Variants in CSMD1 observed in about 807,000 individuals in gnomAD.
The protein encoded by CSMD1 is CUB and sushi domain-containing protein 1.
Under a neutral mutation model 417.5 loss-of-function variants are expected in CSMD1, and 213 were observed. The observed-to-expected ratio is 0.51, with a 90% CI of 0.46 to 0.57. CSMD1 has a LOEUF of 0.57. CSMD1 is among the 20% of genes least tolerant of loss of function. The probability of loss-of-function intolerance (pLI) is 0.00; values close to 1 mark genes in which losing one functional copy is unlikely to be tolerated. For synonymous variants in CSMD1, 2,862 were observed against 1,736.8 expected (o/e 1.65, Z -16.11); for missense variants, 6,923 against 4,529.7 (o/e 1.53, Z -15.17).
At chr8:3,187,249 A>G (rs1165159990) in intron 36 of CSMD1, among the ~76,000 whole-genome samples, 1 of 152,254 alleles carries the variant, frequency 6.6e-6, no homozygotes, top group Non-Finnish European at 1.5e-5. Context: ...AAGCGGTGTC[A>G]TGCATCTGGA....
chr8:4,469,542 A>G (rs1480873163), intron 2 of CSMD1, among the ~76,000 whole-genome samples: 1 of 152,162 alleles, frequency 6.6e-6, no homozygotes, highest in Non-Finnish European at 1.5e-5. Context: ...TCCTCTTCTC[A>G]ATTAACGGCA....
At chr8:3,564,549 G>GTGTGTATA (rs752767680) in intron 10 of CSMD1, among the ~76,000 whole-genome samples, 6 of 149,480 alleles carry the variant, frequency 4.0e-5, no homozygotes, top group Non-Finnish European at 7.4e-5. Flanking sequence ...GTGTGTGTGT[G>GTGTGTATA]TATAATACAT....
intron 3 of CSMD1, among the ~76,000 whole-genome samples, chr8:4,413,139 C>A (rs13276921): frequency 2.0e-5 from 3 of 152,098 alleles, no homozygotes; most frequent in Non-Finnish European, 2.9e-5. Context: ...AGAATATGGA[C>A]AGTCTCACAG....
chr8:4,701,724 C>T (rs183195924), intron 1 of CSMD1, among the ~76,000 whole-genome samples: 113 of 152,000 alleles, frequency 7.4e-4, no homozygotes, highest in African/African-American at 2.6e-3. Flanking sequence ...CATAACATTC[C>T]TCTTTTTCTA....
At chr8:4,058,171 G>A (rs191469050) in intron 3 of CSMD1, among the ~76,000 whole-genome samples, 1 of 152,246 alleles carries the variant, frequency 6.6e-6, no homozygotes, top group East Asian at 1.9e-4. Context: ...CATGAGCATG[G>A]AATGTTCTTC....
intron 5 of CSMD1, among the ~76,000 whole-genome samples, chr8:3,870,042 C>T (rs962042357): frequency 1.3e-5 from 2 of 152,128 alleles, no homozygotes; most frequent in African/African-American, 4.8e-5. Context: ...GGCGTCTCTT[C>T]ATTGCTTAAC....
intron 26 of CSMD1, among the ~76,000 whole-genome samples, chr8:3,279,867 C>T (rs1034612301): frequency 3.9e-5 from 6 of 152,174 alleles, no homozygotes; most frequent in African/African-American, 1.2e-4. Flanking sequence ...AAACTGCCCT[C>T]ATGATCCAAC....
At chr8:4,703,833 G>A (rs887721710) in intron 1 of CSMD1, among the ~76,000 whole-genome samples, 1 of 152,112 alleles carries the variant, frequency 6.6e-6, no homozygotes, top group East Asian at 1.9e-4. Flanking sequence ...TTGGCACCAG[G>A]GACCAGTTCT....
At chr8:4,033,796 T>C (rs1797479618) in intron 3 of CSMD1, among the ~76,000 whole-genome samples, 1 of 152,238 alleles carries the variant, frequency 6.6e-6, no homozygotes, top group South Asian at 2.1e-4. Context: ...TATGATTCTC[T>C]ATCTAAATCA....
intron 3 of CSMD1, among the ~76,000 whole-genome samples, chr8:4,154,993 C>A (rs141002221): frequency 6.6e-6 from 1 of 152,146 alleles, no homozygotes; most frequent in African/African-American, 2.4e-5. Context: ...TCCAGAAACA[C>A]GACTGCAAGT....
chr8:4,266,763 C>A lies in CSMD1; in HGVS notation c.415+153190G>T, dbSNP rs1227345829. Among the ~76,000 whole-genome samples, 4 of 104,014 alleles carry A rather than the reference C, an allele frequency of 3.8e-5. 2 individuals carry two copies. Among genetic ancestry groups the A allele is most frequent in the African/African-American group, 1.0e-4 (4 of 38,266 alleles). 68.2% of individuals were successfully genotyped at this position (104,014 alleles called of 152,430 possible). ...AATAAAAATTTGATGATCTATAAAT[C>A]CTCAAAATAGTAGCACAGAGAATCT... On this transcript the variant is annotated intron_variant, in intron 3 of 69. Coordinates refer to ENST00000635120, the MANE Select transcript of CSMD1 (RefSeq NM_033225.6).
chr8:4,640,712 A>T (rs372228363), intron 1 of CSMD1, among the ~76,000 whole-genome samples: 2 of 152,268 alleles, frequency 1.3e-5, no homozygotes, highest in South Asian at 2.1e-4. Flanking sequence ...ACCATATTTC[A>T]ACATGTTGTT....
At chr8:4,803,706 A>G (rs1333449810) in intron 1 of CSMD1, among the ~76,000 whole-genome samples, 1 of 152,180 alleles carries the variant, frequency 6.6e-6, no homozygotes, top group Non-Finnish European at 1.5e-5. Context: ...GCTTTTTTCC[A>G]CGAATGTCTA....
intron 1 of CSMD1, among the ~76,000 whole-genome samples, chr8:4,956,850 G>C (rs1413159525): frequency 1.3e-5 from 2 of 152,168 alleles, no homozygotes; most frequent in Non-Finnish European, 2.9e-5. Flanking sequence ...GCAGAAGTCA[G>C]TGTGAACTCA....
At chr8:3,713,207 C>T (rs1801628447) in intron 6 of CSMD1, among the ~76,000 whole-genome samples, 1 of 152,104 alleles carries the variant, frequency 6.6e-6, no homozygotes, top group Admixed American at 6.6e-5. Flanking sequence ...TTTGTTGTGT[C>T]ATTTACTTTA....
intron 51 of CSMD1, among the ~76,000 whole-genome samples, chr8:3,020,317 A>G (rs1233640855): frequency 3.9e-5 from 6 of 152,214 alleles, no homozygotes; most frequent in Admixed American, 3.9e-4. Context: ...ACCTTTAGAG[A>G]TAATTCAAGT....
At chr8:3,260,013 C>G (rs182535698) in intron 26 of CSMD1, among the ~76,000 whole-genome samples, 1 of 152,132 alleles carries the variant, frequency 6.6e-6, no homozygotes, top group Non-Finnish European at 1.5e-5. Context: ...AATAGCTACT[C>G]TCTGACTCTT....
At chr8:4,782,736 T>C (rs1220336762) in intron 1 of CSMD1, among the ~76,000 whole-genome samples, 1 of 152,160 alleles carries the variant, frequency 6.6e-6, no homozygotes, top group Non-Finnish European at 1.5e-5. Flanking sequence ...AAAATGAAAA[T>C]ACATGAATTT....
chr8:3,058,037 C>G (rs1027802519), intron 49 of CSMD1, among the ~76,000 whole-genome samples: 5 of 152,166 alleles, frequency 3.3e-5, no homozygotes, highest in African/African-American at 1.2e-4. Flanking sequence ...TTAGTTTTCT[C>G]TGGGTTCTTC....
Sources: gnomAD v4.1 joint callset for allele counts (sites outside exome capture counted in the v4.1 genomes callset) on GRCh38, gnomAD v4.1.1 for gene constraint, MANE v1.5 for transcripts, NCBI Gene and HGNC (gene_info 2026-07-23, HGNC 2026-07-21) for gene names.